Variants in RERGL observed in about 807,000 individuals in gnomAD.
RERGL encodes the protein RERG like.
A neutral mutation model predicts 24.7 loss-of-function variants in RERGL; 22 were observed. The observed-to-expected ratio is 0.89, with a 90% CI of 0.64 to 1.27. RERGL has a LOEUF of 1.27. Among genes scored for constraint, RERGL ranks in the 50% most tolerant of loss-of-function variants. The pLI is 0.00. For synonymous variants in RERGL, 76 were observed against 82.6 expected (o/e 0.92, Z 0.43); for missense variants, 259 against 235.3 (o/e 1.10, Z -0.66).
intron 2 of RERGL, 57 bp downstream of exon 2, chr12:18,088,843 G>T: frequency 1.9e-6 from 2 of 1,048,132 alleles, no homozygotes; most frequent in Non-Finnish European, 3.0e-6. Flanking sequence ...TACTTAAGTG[G>T]GATTTAATTA....
At chr12:18,086,621 T>A (rs1440703932) in intron 2 of RERGL, among the ~76,000 whole-genome samples, 2 of 152,102 alleles carry the variant, frequency 1.3e-5, no homozygotes, top group Non-Finnish European at 2.9e-5. Flanking sequence ...CGTCTTAATC[T>A]TTTTTTGTTC....
chr12:18,085,553 CA>C, intron 3 of RERGL, 66 bp downstream of exon 3: 1 of 1,128,706 alleles, frequency 8.9e-7, no homozygotes, highest in East Asian at 2.5e-5. Context: ...ATATAATCTT[CA>C]AATCATAATT....
intron 4 of RERGL, among the ~76,000 whole-genome samples, chr12:18,083,840 A>G (rs1947194399): frequency 6.6e-6 from 1 of 152,186 alleles, no homozygotes; most frequent in South Asian, 2.1e-4. Context: ...GTTGAGCAAA[A>G]ATAAATACTT....
At chr12:18,086,224 C>G (rs1242867882) in intron 2 of RERGL, among the ~76,000 whole-genome samples, 1 of 151,916 alleles carries the variant, frequency 6.6e-6, no homozygotes, top group Non-Finnish European at 1.5e-5. Flanking sequence ...ACCTACATAC[C>G]TTTTTGCTCA....
At chr12:18,082,050 G>A (rs1220505439) in intron 4 of RERGL, among the ~76,000 whole-genome samples, 1 of 150,944 alleles carries the variant, frequency 6.6e-6, no homozygotes, top group Non-Finnish European at 1.5e-5. Flanking sequence ...TGAGGCAGGA[G>A]AATCACTTGA....
In RERGL at chr12:18,085,712, C is replaced by G; in HGVS notation, c.110-19G>C. On this transcript the variant is annotated intron_variant, in intron 2 of 4. Transcript: ENST00000538724. ...ATAGATTCTGCAAAAATATGCATAT[C>G]CACTGTCAGTATGAAAATACTCCAA... 1 of 1,415,596 alleles carries G rather than the reference C, an allele frequency of 7.1e-7. No individual in the cohort carries two copies. The highest frequency in any genetic ancestry group is 9.9e-7 in the Non-Finnish European group (1 of 1,010,754). The allele number at this position is 1,415,596 out of a possible 1,614,324, so 87.7% of individuals were successfully genotyped here. A position where few individuals can be genotyped will look rare whatever the true frequency, so the allele number is the denominator to read the frequency against.
Position 18,090,191 on chromosome 12 carries a change from T to C in RERGL, c.-51A>G. 2 of 1,429,590 alleles carry C rather than the reference T, an allele frequency of 1.4e-6. No homozygotes were observed. The highest frequency in any genetic ancestry group is 1.8e-6 in the Non-Finnish European group (2 of 1,082,888). 88.6% of individuals were successfully genotyped at this position (1,429,590 alleles called of 1,614,324 possible). The stretch of plus-strand genomic sequence containing the variant: ...CCTATTTTCTGGAACTACACTGCCC[T>C]GTGACAAGCTTTTTTTTAACTTCCT... On this transcript the variant is annotated 5_prime_UTR_variant, in exon 1 of 5. Coordinates refer to ENST00000538724, the MANE Select transcript of RERGL (RefSeq NM_001286201.2).
At position 18,084,661 on chromosome 12, in the gene RERGL, T is replaced by A. The variant is rs146218371; in HGVS notation, c.188A>T (p.Gln63Leu). 1.9e-6 allele frequency: 3 copies of A among 1,608,464 alleles called. No individual in the cohort carries two copies. Residue 63 changes from glutamine (Q) to leucine (L), a missense_variant, in exon 4 of 5, where the codon CAG (glutamine) becomes CTG (leucine). Physicochemically the swap from Gln to Leu is moderately radical, Grantham distance 113 (BLOSUM62 -2). Transcript: ENST00000538724. ...ACTTGTGAGGGAGAATTTTGCTTTCTGTGTCTGAAAATAAACCAAGTGCAT... is the reference window on the plus strand; with the variant it reads ...ACTTGTGAGGGAGAATTTTGCTTTCAGTGTCTGAAAATAAACCAAGTGCAT... ...LEIYDPCSQTQKAKFSLTSEL... is the reference protein window; with the variant it reads ...LEIYDPCSQTLKAKFSLTSEL...
chr12:18,082,179 G>A (rs1212425567), intron 4 of RERGL, among the ~76,000 whole-genome samples: 2 of 150,574 alleles, frequency 1.3e-5, no homozygotes, highest in South Asian at 4.2e-4. Context: ...CATGCCCTTT[G>A]CGGGGACATG....
intron 2 of RERGL, among the ~76,000 whole-genome samples, chr12:18,087,360 A>T (rs1482559090): frequency 6.6e-6 from 1 of 152,176 alleles, no homozygotes; most frequent in Admixed American, 6.5e-5. Flanking sequence ...GAAACCTTAA[A>T]TTATGTTTTC....
chr12:18,084,620 C>G lies in RERGL; in HGVS notation c.229G>C (p.Asp77His), dbSNP rs769628194. The part of the protein sequence containing the change: ...FSLTSELHWA[D>H]GFVIVYDISD... ...ATGTCATACACAATAACAAACCCAT[C>G]TGCCCAGTGAAGCTCACTTGTGAGG... The change falls in exon 4 of 5, where the codon GAT becomes CAT. Residue 77 changes from aspartate (D) to histidine (H), a missense_variant. Asp to His is a moderately conservative substitution (Grantham distance 81). Transcript: ENST00000538724. The G allele has an allele frequency of 2.5e-6, 4 of 1,612,090 alleles. No individual in the cohort carries two copies. In the African/African-American group the frequency reaches 5.3e-5, roughly 22 times the overall value.
chr12:18,084,606 A>G lies in RERGL; in HGVS notation c.243T>C (p.Ile81=), dbSNP rs1222160882. 6.2e-7 allele frequency: 1 copy of G among 1,612,746 alleles called. No homozygotes were observed. Among genetic ancestry groups the G allele is most frequent in the Admixed American group, 1.7e-5 (1 of 59,794 alleles). Residue 81 remains isoleucine, a synonymous_variant, in exon 4 of 5, where the codon ATT becomes ATC. Transcript: ENST00000538724. ...SELHWADGFV[I]VYDISDRSSF... is the part of the protein sequence containing the mutation. Reference sequence around the variant, plus strand: ...AAGACCTATCACTGATGTCATACACAATAACAAACCCATCTGCCCAGTGAA... The same window carrying G: ...AAGACCTATCACTGATGTCATACACGATAACAAACCCATCTGCCCAGTGAA...
At chr12:18,085,487 A>T in intron 3 of RERGL, 133 bp downstream of exon 3, 2 of 617,772 alleles carry the variant, frequency 3.2e-6, no homozygotes. Context: ...GATAATTAAA[A>T]TGAGAAGAAA....
rs1388438791 is a variant in RERGL, at chr12:18,090,088, C to T, written c.52+1G>A. ...ATAACAGAGAAGATGTCACCACTCA[C>T]CAGATTTGCCTGTTCCTTCACCACC... On this transcript the variant is annotated splice_donor_variant, in intron 1 of 4. Coordinates refer to ENST00000538724, the MANE Select transcript of RERGL (RefSeq NM_001286201.2). LOFTEE classifies it high-confidence loss of function. 1.5e-5 allele frequency: 23 copies of T among 1,532,262 alleles called. No homozygotes were observed. The highest frequency in any genetic ancestry group is 2.0e-5 in the Non-Finnish European group (23 of 1,145,244). The allele number at this position is 1,532,262 out of a possible 1,614,324, so 94.9% of individuals were successfully genotyped here. A position where few individuals can be genotyped will look rare whatever the true frequency, so the allele number is the denominator to read the frequency against.
At chr12:18,085,935 G>C (rs1017909923) in intron 2 of RERGL, among the ~76,000 whole-genome samples, 2 of 140,828 alleles carry the variant, frequency 1.4e-5, no homozygotes, top group African/African-American at 5.3e-5. Flanking sequence ...TCGGCTCACC[G>C]CAAGCTCCGC....
chr12:18,089,136 A>T, intron 1 of RERGL, 180 bp from the exon 2 acceptor site: 1 of 1,216,002 alleles, frequency 8.2e-7, no homozygotes. Flanking sequence ...CAAACAAATG[A>T]TTAGAAAGTT....
At chr12:18,089,480 G>T in intron 1 of RERGL, 1 of 767,710 alleles carries the variant, frequency 1.3e-6, no homozygotes, top group Non-Finnish European at 1.8e-6. Flanking sequence ...GATTCTTTAG[G>T]CTCAAGTGAC....
At position 18,088,907 on chromosome 12, in the gene RERGL, AGAAGCATATTCTCCAAT is replaced by A. The variant is rs751258138; in HGVS notation, c.85_101del (p.Ile29Ter). On this transcript the variant is annotated frameshift_variant, in exon 2 of 5. Coordinates refer to ENST00000538724, the MANE Select transcript of RERGL (RefSeq NM_001286201.2). LOFTEE classifies it high-confidence loss of function. ...TCTAGAGTAGTGACTTACCAAAATT[AGAAGCATATTCTCCAAT>A]GAATCGCTTAGTAAGAAACCTCACT... 6.2e-7 allele frequency: 1 copy of A among 1,602,794 alleles called. No individual in the cohort carries two copies. The highest frequency in any genetic ancestry group is 2.2e-5 in the East Asian group (1 of 44,698).
intron 2 of RERGL, among the ~76,000 whole-genome samples, chr12:18,086,653 C>T (rs560627661): frequency 2.8e-4 from 43 of 152,236 alleles, no homozygotes; most frequent in African/African-American, 1.0e-3. Flanking sequence ...CCCCCACTGA[C>T]TTCTCACATT....
Sources: gnomAD v4.1 joint callset for allele counts (sites outside exome capture counted in the v4.1 genomes callset) on GRCh38, gnomAD v4.1.1 for gene constraint, MANE v1.5 for transcripts, NCBI Gene and HGNC (gene_info 2026-07-23, HGNC 2026-07-21) for gene names.